PPARGC1A: variants seen among roughly 807,000 people sequenced by gnomAD.
PPARGC1A encodes the protein peroxisome proliferator-activated receptor gamma coactivator 1-alpha.
In PPARGC1A, 25 loss-of-function variants were observed where a neutral mutation model predicts 88.7. The ratio of observed to expected loss-of-function variants is 0.28; its 90% confidence interval spans 0.21 to 0.39. PPARGC1A has a LOEUF of 0.39. Ranked by LOEUF, PPARGC1A falls within the 10% of genes least tolerant of loss-of-function variation. PPARGC1A has a pLI of 1.00. For missense variants in PPARGC1A, 880 were observed against 968.7 expected (o/e 0.91, Z 1.22); for synonymous variants, 363 against 355.6 (o/e 1.02, Z -0.24).
chr4:24,443,638 T>A, the PPARGC1A span, among the ~76,000 whole-genome samples: 1 of 152,052 alleles, frequency 6.6e-6, no homozygotes, highest in Non-Finnish European at 1.5e-5. Flanking sequence ...TCACTGCAAC[T>A]TCTGCCTCCT....
At chr4:24,124,392 A>G in the PPARGC1A span, among the ~76,000 whole-genome samples, 1 of 152,216 alleles carries the variant, frequency 6.6e-6, no homozygotes, top group Non-Finnish European at 1.5e-5. Context: ...GAATAACACA[A>G]ATCAGCCCAT....
rs927269399 is a variant in PPARGC1A, at chr4:23,833,578, C to A, written c.235-1827G>T. ...CCAGTTAATTGACCTGACAAAATTACAAGAATCACAGAATAAGATAGCTAA... is the reference window on the plus strand; with the variant it reads ...CCAGTTAATTGACCTGACAAAATTAAAAGAATCACAGAATAAGATAGCTAA... On this transcript the variant is annotated intron_variant, in intron 2 of 12. Transcript: ENST00000264867. Among the ~76,000 whole-genome samples, 12 of 152,162 alleles carry A rather than the reference C, an allele frequency of 7.9e-5. 1 individual carries two copies. Among genetic ancestry groups the A allele is most frequent in the Admixed American group, 7.9e-4 (12 of 15,280 alleles).
At chr4:23,844,755 ATATAT>A (rs570160764) in intron 2 of PPARGC1A, among the ~76,000 whole-genome samples, 32 of 109,614 alleles carry the variant, frequency 2.9e-4, no homozygotes, top group African/African-American at 1.1e-3. Context: ...AATATATGAT[ATATAT>A]TATAATAATA....
chr4:23,799,543 A>T (rs1465098660), intron 12 of PPARGC1A, among the ~76,000 whole-genome samples: 1 of 152,190 alleles, frequency 6.6e-6, no homozygotes, highest in Non-Finnish European at 1.5e-5. Flanking sequence ...CTATACAATG[A>T]TGGAGCTCAG....
the PPARGC1A span, among the ~76,000 whole-genome samples, chr4:24,137,987 T>C: frequency 1.3e-4 from 20 of 152,264 alleles, no homozygotes; most frequent in South Asian, 1.0e-3. Context: ...GTCAGATTTA[T>C]GGATTGTCAT....
the PPARGC1A span, among the ~76,000 whole-genome samples, chr4:24,092,951 G>A: frequency 5.3e-5 from 8 of 152,216 alleles, no homozygotes; most frequent in African/African-American, 1.9e-4. Context: ...TGCACACACA[G>A]CCAAACAATC....
the PPARGC1A span, among the ~76,000 whole-genome samples, chr4:23,913,242 TTA>T: frequency 0.039 from 3,637 of 94,376 alleles, 75 homozygotes; most frequent in Non-Finnish European, 0.048. Context: ...ATTATATATT[TTA>T]TATATATATA....
At chr4:24,430,286 T>G in the PPARGC1A span, among the ~76,000 whole-genome samples, 2 of 131,578 alleles carry the variant, frequency 1.5e-5, no homozygotes, top group African/African-American at 3.0e-5. Context: ...TGAGATTGAG[T>G]CCCACTCTGT....
chr4:24,215,519 C>T, the PPARGC1A span, among the ~76,000 whole-genome samples: 1 of 152,120 alleles, frequency 6.6e-6, no homozygotes. Context: ...TCACACTGTG[C>T]TTGAGTTTAC....
At chr4:23,797,240 C>CA (rs537156857) in intron 12 of PPARGC1A, among the ~76,000 whole-genome samples, 1 of 152,042 alleles carries the variant, frequency 6.6e-6, no homozygotes, top group Non-Finnish European at 1.5e-5. Flanking sequence ...CTTAAATAGT[C>CA]AATTCTTAAA....
chr4:24,261,829 A>C, the PPARGC1A span, among the ~76,000 whole-genome samples: 4 of 152,094 alleles, frequency 2.6e-5, no homozygotes, highest in Non-Finnish European at 5.9e-5. Context: ...CACCTCCAAC[A>C]CACAGCCATT....
the PPARGC1A span, among the ~76,000 whole-genome samples, chr4:24,152,449 C>A: frequency 3.3e-5 from 5 of 152,032 alleles, no homozygotes; most frequent in Middle Eastern, 3.4e-3. Context: ...CAAAGTATAC[C>A]CCCATATAAA....
the PPARGC1A span, among the ~76,000 whole-genome samples, chr4:24,341,630 G>C: frequency 6.6e-6 from 1 of 152,170 alleles, no homozygotes; most frequent in Non-Finnish European, 1.5e-5. Flanking sequence ...AGGCTTGTCT[G>C]AGGAAGCAAA....
the PPARGC1A span, among the ~76,000 whole-genome samples, chr4:24,396,846 G>C: frequency 6.6e-6 from 1 of 151,984 alleles, no homozygotes; most frequent in Non-Finnish European, 1.5e-5. Context: ...GAAGTCTATA[G>C]ACTCAAACAG....
the PPARGC1A span, among the ~76,000 whole-genome samples, chr4:23,934,531 T>A: frequency 6.6e-6 from 1 of 152,178 alleles, no homozygotes; most frequent in Non-Finnish European, 1.5e-5. Flanking sequence ...ATTGGGATTG[T>A]AATCTGTGGA....
At chr4:24,373,951 A>G in the PPARGC1A span, among the ~76,000 whole-genome samples, 4 of 152,224 alleles carry the variant, frequency 2.6e-5, no homozygotes, top group African/African-American at 9.6e-5. Context: ...AGGACCTAGC[A>G]CTGAGCACAG....
At chr4:24,343,554 A>G in the PPARGC1A span, among the ~76,000 whole-genome samples, 1 of 152,208 alleles carries the variant, frequency 6.6e-6, no homozygotes, top group Non-Finnish European at 1.5e-5. Flanking sequence ...CTCCAGAACT[A>G]TCAGAAAGAA....
the PPARGC1A span, among the ~76,000 whole-genome samples, chr4:24,228,808 C>G: frequency 6.6e-6 from 1 of 152,166 alleles, no homozygotes; most frequent in Non-Finnish European, 1.5e-5. Context: ...AAGGCTGTAA[C>G]TTGTTCTTGT....
the PPARGC1A span, among the ~76,000 whole-genome samples, chr4:24,060,911 T>C: frequency 2.0e-5 from 3 of 152,166 alleles, no homozygotes; most frequent in African/African-American, 7.2e-5. Flanking sequence ...GGGAGTTCTA[T>C]ATAATACCTA....
Sources: gnomAD v4.1 joint callset for allele counts (sites outside exome capture counted in the v4.1 genomes callset) on GRCh38, gnomAD v4.1.1 for gene constraint, MANE v1.5 for transcripts, NCBI Gene and HGNC (gene_info 2026-07-23, HGNC 2026-07-21) for gene names.